CTIF: variants seen among roughly 807,000 people sequenced by gnomAD.
CTIF encodes the protein cap binding complex dependent translation initiation factor, also known as CBP80/20-dependent translation initiation factor.
In CTIF, 21 loss-of-function variants were observed where a neutral mutation model predicts 66.0. The observed-to-expected ratio is 0.32, with a 90% CI of 0.23 to 0.46. The LOEUF is 0.46. Ranked by LOEUF, CTIF falls within the 20% of genes least tolerant of loss-of-function variation. The probability of loss-of-function intolerance (pLI) is 1.00; values close to 1 mark genes in which losing one functional copy is unlikely to be tolerated. For missense variants in CTIF, 739 were observed against 812.7 expected, an observed-to-expected ratio of 0.91 and a Z score of 1.10; for synonymous variants, 345 against 326.4, an observed-to-expected ratio of 1.06 and a Z score of -0.62.
At chr18:48,731,684 T>A (rs1317261859) in intron 7 of CTIF, among the ~76,000 whole-genome samples, 2 of 152,230 alleles carry the variant, frequency 1.3e-5, no homozygotes, top group Non-Finnish European at 2.9e-5. Flanking sequence ...TCTTTAGTTT[T>A]TAGCGGGTTG....
rs939230195 is a variant in CTIF, at chr18:48,614,881, TTTG to T, written c.-28-4645_-28-4643del. On this transcript the variant is annotated intron_variant, in intron 1 of 11. Transcript: ENST00000256413. ...TTGGTTTGGTTGGTTGGTTGTTTTT[TTTG>T]TTGTTGTTGTTTTGTTTTGTTTTGT... Among the ~76,000 whole-genome samples the T allele has an allele frequency of 1.1e-3, 163 of 151,270 alleles. 3 individuals are homozygous for T. Among genetic ancestry groups the T allele is most frequent in the East Asian group, 3.5e-3 (18 of 5,142 alleles).
At chr18:48,608,242 T>C (rs1266262321) in intron 1 of CTIF, among the ~76,000 whole-genome samples, 1 of 152,210 alleles carries the variant, frequency 6.6e-6, no homozygotes, top group Non-Finnish European at 1.5e-5. Flanking sequence ...CTCTAGCTGA[T>C]GGTTACAGCG....
intron 10 of CTIF, among the ~76,000 whole-genome samples, chr18:48,832,189 T>TTTTTTTTTTTA (rs1289637754): frequency 6.7e-6 from 1 of 150,074 alleles, no homozygotes; most frequent in African/African-American, 2.5e-5. Context: ...TTTTTTTTTT[T>TTTTTTTTTTTA]AAGACAGGGT....
intron 9 of CTIF, among the ~76,000 whole-genome samples, chr18:48,794,279 G>A (rs1172475826): frequency 1.3e-5 from 2 of 152,258 alleles, no homozygotes; most frequent in Non-Finnish European, 2.9e-5. Context: ...CCAAGCTGAA[G>A]GCATGGGTGA....
chr18:48,615,020 C>T (rs2090372756), intron 1 of CTIF, among the ~76,000 whole-genome samples: 1 of 152,112 alleles, frequency 6.6e-6, no homozygotes, highest in Non-Finnish European at 1.5e-5. Flanking sequence ...CCTGCCTCAG[C>T]CTCCTGAGTA....
chr18:48,542,651 A>T (rs1049548018), intron 1 of CTIF, among the ~76,000 whole-genome samples: 1 of 152,242 alleles, frequency 6.6e-6, no homozygotes, highest in African/African-American at 2.4e-5. Flanking sequence ...CACAGCCTAC[A>T]GGAGGGAACA....
intron 7 of CTIF, among the ~76,000 whole-genome samples, chr18:48,741,700 C>T (rs2092556304): frequency 6.6e-6 from 1 of 152,162 alleles, no homozygotes; most frequent in Non-Finnish European, 1.5e-5. Flanking sequence ...GCTGGGATTA[C>T]AGGTATGAAC....
chr18:48,797,354 G>T (rs143441094), intron 9 of CTIF, among the ~76,000 whole-genome samples: 2 of 152,022 alleles, frequency 1.3e-5, no homozygotes, highest in Admixed American at 6.5e-5. Context: ...GTGGTGGTGC[G>T]TGCCTGTAAT....
chr18:48,845,942 C>G lies in CTIF; in HGVS notation c.1528-11646C>G, dbSNP rs569877881. On this transcript the variant is annotated intron_variant, in intron 10 of 11. Transcript: ENST00000256413. ...CTTAATTCAAGCCACCCCAATTTTG[C>G]ACAGCAACCTTCTAACGGTCCCCCT... Among the ~76,000 whole-genome samples the G allele has an allele frequency of 3.3e-5, 5 of 152,358 alleles. No individual in the cohort carries two copies. The South Asian group carries it at 1.0e-3, about 32-fold the overall frequency.
intron 3 of CTIF, among the ~76,000 whole-genome samples, chr18:48,650,821 A>C (rs1478463447): frequency 1.4e-5 from 2 of 143,840 alleles, no homozygotes; most frequent in African/African-American, 5.1e-5. Context: ...GCCAATATTC[A>C]ACATTCTTAA....
At chr18:48,623,720 T>C (rs1568081907) in intron 2 of CTIF, among the ~76,000 whole-genome samples, 1 of 152,202 alleles carries the variant, frequency 6.6e-6, no homozygotes, top group African/African-American at 2.4e-5. Context: ...AATGTTGCTC[T>C]TCAGCTGGTG....
intron 9 of CTIF, among the ~76,000 whole-genome samples, chr18:48,811,805 A>T (rs2068263609): frequency 1.3e-5 from 2 of 152,146 alleles, no homozygotes; most frequent in South Asian, 4.2e-4. Context: ...TGATCCATTC[A>T]TCTGTGGGTG....
chr18:48,790,511 C>T (rs1403878289), intron 9 of CTIF, among the ~76,000 whole-genome samples: 1 of 152,222 alleles, frequency 6.6e-6, no homozygotes, highest in Non-Finnish European at 1.5e-5. Context: ...TGGCCTGGGC[C>T]CAGCTCAGCA....
At chr18:48,582,570 C>T (rs1353780917) in intron 1 of CTIF, among the ~76,000 whole-genome samples, 2 of 152,066 alleles carry the variant, frequency 1.3e-5, no homozygotes, top group Non-Finnish European at 2.9e-5. Flanking sequence ...ACTGCACTGA[C>T]CTTCCCCCTA....
At chr18:48,627,142 T>C (rs1049629422) in intron 2 of CTIF, among the ~76,000 whole-genome samples, 3 of 152,238 alleles carry the variant, frequency 2.0e-5, no homozygotes, top group African/African-American at 4.8e-5. Flanking sequence ...TCTGTAGGTT[T>C]TAATGATCTC....
In CTIF at chr18:48,671,134, C is replaced by T. The variant is rs150209343; in HGVS notation, c.507+390C>T. On this transcript the variant is annotated intron_variant, in intron 6 of 11. Coordinates refer to ENST00000256413, the MANE Select transcript of CTIF (RefSeq NM_014772.3). ...GGAAGAGATTCTAATGTGGCTGGGG[C>T]TGTCTTTAGGCTTTTGAACAGTGGA... Among the ~76,000 whole-genome samples, 758 of 152,258 alleles carry T rather than the reference C, an allele frequency of 5.0e-3. 13 individuals carry two copies. Among genetic ancestry groups the T allele is most frequent in the African/African-American group, 0.017 (719 of 41,532 alleles).
At chr18:48,638,668 A>T (rs766046878) in intron 3 of CTIF, among the ~76,000 whole-genome samples, 7 of 152,246 alleles carry the variant, frequency 4.6e-5, no homozygotes, top group Non-Finnish European at 7.3e-5. Context: ...TAACACCGCA[A>T]GGAGCAGCTC....
intron 9 of CTIF, among the ~76,000 whole-genome samples, chr18:48,778,560 C>G (rs11082702): frequency 0.71 from 107,760 of 152,150 alleles, 38,908 homozygotes; most frequent in African/African-American, 0.87. Flanking sequence ...GGCATGTTGG[C>G]AGAAGGGGTA....
At chr18:48,856,686 T>A (rs2069334845) in intron 10 of CTIF, among the ~76,000 whole-genome samples, 1 of 152,204 alleles carries the variant, frequency 6.6e-6, no homozygotes, top group Non-Finnish European at 1.5e-5. Flanking sequence ...TCTATTTCTA[T>A]AAAATGTCCA....
Sources: allele counts gnomAD v4.1 joint callset (sites outside exome capture counted in the v4.1 genomes callset), GRCh38; gene constraint gnomAD v4.1.1; transcripts MANE v1.5; gene names NCBI Gene and HGNC (gene_info 2026-07-23, HGNC 2026-07-21).